The following NAALADL2 variants were observed in gnomAD, a reference collection of about 807,000 sequenced individuals.
The protein encoded by NAALADL2 is inactive N-acetylated-alpha-linked acidic dipeptidase-like protein 2.
A neutral mutation model predicts 87.2 loss-of-function variants in NAALADL2; 76 were observed. The ratio of observed to expected loss-of-function variants is 0.87; its 90% CI spans 0.72 to 1.05. The LOEUF (loss-of-function observed/expected upper bound fraction) is 1.05, where lower values mean the gene tolerates loss of function less well. NAALADL2 is among the 50% of genes least tolerant of loss of function. NAALADL2 has a pLI of 0.00. For missense variants in NAALADL2, 1,089 were observed against 945.8 expected (o/e 1.15, Z -1.99); for synonymous variants, 354 against 331.0 (o/e 1.07, Z -0.75).
At chr3:174,947,430 C>G (rs1287591243) in intron 1 of NAALADL2, among the ~76,000 whole-genome samples, 2 of 151,924 alleles carry the variant, frequency 1.3e-5, no homozygotes, top group East Asian at 3.9e-4. Context: ...TGAATATGAC[C>G]TTTTTCTAAG....
At chr3:174,730,286 G>A (rs1193762494) in intron 2 of NAALADL2, among the ~76,000 whole-genome samples, 5 of 152,076 alleles carry the variant, frequency 3.3e-5, no homozygotes, top group Middle Eastern at 6.8e-3. Context: ...TGTGTTATCT[G>A]TGTGTCCGTT....
rs538684488 is a variant in NAALADL2 at position 174,973,261 on chromosome 3, G to A, written c.43+113811G>A. 3.3e-5 allele frequency among the ~76,000 whole-genome samples: 5 copies of A among 152,140 alleles called. No homozygotes were observed. The South Asian group carries it at 1.0e-3, about 32-fold the overall frequency. On this transcript the variant is annotated intron_variant, in intron 1 of 13. Coordinates refer to ENST00000454872, the MANE Select transcript of NAALADL2 (RefSeq NM_207015.3). ...ATTTTCAATTTTAAAACACTCACTG[G>A]TTCATTCTGCTTGTATTTCAACATG... is the stretch of plus-strand genomic sequence containing the variant.
intron 11 of NAALADL2, among the ~76,000 whole-genome samples, chr3:175,632,542 A>G (rs1243122852): frequency 2.6e-5 from 4 of 152,042 alleles, no homozygotes; most frequent in African/African-American, 9.7e-5. Flanking sequence ...AATTATACGT[A>G]TTTTGGAAAA....
intron 11 of NAALADL2, among the ~76,000 whole-genome samples, chr3:175,726,715 G>A (rs1265564199): frequency 6.6e-6 from 1 of 152,098 alleles, no homozygotes; most frequent in Non-Finnish European, 1.5e-5. Context: ...TGTGTGATCA[G>A]ATTTCATCTC....
At chr3:175,462,800 G>T (rs1723345350) in intron 6 of NAALADL2, among the ~76,000 whole-genome samples, 1 of 152,054 alleles carries the variant, frequency 6.6e-6, no homozygotes, top group African/African-American at 2.4e-5. Flanking sequence ...AATTCAAAAA[G>T]GTAGAGCGAT....
At chr3:174,970,228 A>G (rs1743440205) in intron 1 of NAALADL2, among the ~76,000 whole-genome samples, 1 of 152,210 alleles carries the variant, frequency 6.6e-6, no homozygotes, top group Non-Finnish European at 1.5e-5. Context: ...GCATAAAGCC[A>G]ATCCCAAGAC....
intron 3 of NAALADL2, among the ~76,000 whole-genome samples, chr3:174,853,128 G>A (rs939612023): frequency 1.4e-5 from 2 of 145,610 alleles, no homozygotes. Flanking sequence ...CACTGTGGGA[G>A]GCCAAAGTGG....
chr3:175,400,900 G>A (rs980918209), intron 5 of NAALADL2, among the ~76,000 whole-genome samples: 3 of 152,200 alleles, frequency 2.0e-5, no homozygotes, highest in Admixed American at 6.6e-5. Context: ...GAATTAGCAC[G>A]TATTACCATT....
intron 2 of NAALADL2, among the ~76,000 whole-genome samples, chr3:174,729,524 A>C (rs1222608752): frequency 6.6e-6 from 1 of 152,048 alleles, no homozygotes; most frequent in Non-Finnish European, 1.5e-5. Context: ...CAGTTTCCAG[A>C]GGATGGGTAT....
intron 5 of NAALADL2, among the ~76,000 whole-genome samples, chr3:175,411,515 C>T (rs1266356253): frequency 1.3e-5 from 2 of 151,648 alleles, no homozygotes; most frequent in Admixed American, 1.3e-4. Context: ...GTAATGAGAG[C>T]TTAAGACACA....
intron 2 of NAALADL2, among the ~76,000 whole-genome samples, chr3:174,577,041 C>G (rs1046737869): frequency 6.6e-6 from 1 of 151,906 alleles, no homozygotes; most frequent in African/African-American, 2.4e-5. Flanking sequence ...AGATATTAAA[C>G]GTTACAGAGA....
chr3:174,551,844 A>G (rs1246653505), intron 2 of NAALADL2, among the ~76,000 whole-genome samples: 1 of 152,164 alleles, frequency 6.6e-6, no homozygotes, highest in East Asian at 1.9e-4. Flanking sequence ...TATTCAGTGG[A>G]AGATACCTGA....
At chr3:174,984,689 C>A (rs1745597440) in intron 1 of NAALADL2, among the ~76,000 whole-genome samples, 1 of 151,870 alleles carries the variant, frequency 6.6e-6, no homozygotes, top group Admixed American at 6.6e-5. Context: ...ACTTTAAGCT[C>A]CTGAAATTAT....
chr3:174,714,982 A>C (rs1194163811), intron 2 of NAALADL2, among the ~76,000 whole-genome samples: 1 of 152,150 alleles, frequency 6.6e-6, no homozygotes, highest in Non-Finnish European at 1.5e-5. Flanking sequence ...ATCAATACCT[A>C]ATTTATGGAG....
chr3:174,735,821 C>T (rs1216862406), intron 2 of NAALADL2, among the ~76,000 whole-genome samples: 1 of 152,216 alleles, frequency 6.6e-6, no homozygotes, highest in African/African-American at 2.4e-5. Context: ...CCAGCAGCGC[C>T]TTTGCCAGAG....
At chr3:174,968,868 G>C (rs1313162192) in intron 1 of NAALADL2, among the ~76,000 whole-genome samples, 3 of 152,224 alleles carry the variant, frequency 2.0e-5, no homozygotes, top group Non-Finnish European at 2.9e-5. Context: ...CTCAAAGAAA[G>C]AGACCTTTGG....
At chr3:175,142,367 G>C (rs147308466) in intron 2 of NAALADL2, among the ~76,000 whole-genome samples, 1 of 151,906 alleles carries the variant, frequency 6.6e-6, no homozygotes, top group Admixed American at 6.6e-5. Flanking sequence ...ATCTATAGAC[G>C]TACTCCCCTG....
At chr3:174,567,416 TC>T (rs1350677605) in intron 2 of NAALADL2, among the ~76,000 whole-genome samples, 4 of 151,604 alleles carry the variant, frequency 2.6e-5, no homozygotes, top group Non-Finnish European at 4.4e-5. Flanking sequence ...ATAATTTTTT[TC>T]AATTATATCT....
At chr3:174,886,509 T>A (rs1730170465) in intron 1 of NAALADL2, among the ~76,000 whole-genome samples, 2 of 152,170 alleles carry the variant, frequency 1.3e-5, no homozygotes, top group South Asian at 4.1e-4. Flanking sequence ...ACACTCAGTA[T>A]TAACCATCAC....
Sources: gnomAD v4.1 joint callset for allele counts (sites outside exome capture counted in the v4.1 genomes callset) on GRCh38, gnomAD v4.1.1 for gene constraint, MANE v1.5 for transcripts, NCBI Gene and HGNC (gene_info 2026-07-23, HGNC 2026-07-21) for gene names.